The following SLC24A2 variants were observed in gnomAD, a reference collection of about 807,000 sequenced individuals.
SLC24A2 encodes the protein solute carrier family 24 member 2.
A neutral mutation model predicts 62.0 loss-of-function variants in SLC24A2; 36 were observed. The ratio of observed to expected loss-of-function variants is 0.58; its 90% CI spans 0.44 to 0.77. SLC24A2 has a LOEUF of 0.77. SLC24A2 is among the 30% of genes least tolerant of loss of function. The probability of loss-of-function intolerance (pLI) is 0.00; values close to 1 mark genes in which losing one functional copy is unlikely to be tolerated. For missense variants in SLC24A2, 846 were observed against 817.9 expected, an observed-to-expected ratio of 1.03 and a Z score of -0.42; for synonymous variants, 358 against 294.0, an observed-to-expected ratio of 1.22 and a Z score of -2.23.
rs60849714 is a variant in SLC24A2 at position 19,513,176 on chromosome 9, G to GTATA, written c.*2973_*2976dup. 1.5e-5 allele frequency: 1 copy of GTATA among 66,972 alleles called. No homozygotes were observed. Among genetic ancestry groups the GTATA allele is most frequent in the African/African-American group, 5.6e-5 (1 of 17,844 alleles). 4.1% of individuals were successfully genotyped at this position (66,972 alleles called of 1,614,324 possible). A position where few individuals can be genotyped will look rare whatever the true frequency, so the allele number is the denominator to read the frequency against. On this transcript the variant is annotated 3_prime_UTR_variant, in exon 11 of 11. Transcript: ENST00000341998. ...AAGATATATATATATATATATATAT[G>GTATA]TATATATATATATATGTATATATTT...
intron 2 of SLC24A2, among the ~76,000 whole-genome samples, chr9:19,733,474 G>T (rs1325855601): frequency 6.6e-6 from 1 of 152,108 alleles, no homozygotes; most frequent in Non-Finnish European, 1.5e-5. Flanking sequence ...GACAATCTGT[G>T]AAGGAAGCCT....
At chr9:19,726,465 T>C (rs1212556235) in intron 2 of SLC24A2, among the ~76,000 whole-genome samples, 4 of 152,176 alleles carry the variant, frequency 2.6e-5, no homozygotes, top group Admixed American at 2.0e-4. Context: ...AAAATTGCAG[T>C]GTGGTTCCAA....
At chr9:19,561,525 C>T (rs1835402559) in intron 7 of SLC24A2, among the ~76,000 whole-genome samples, 1 of 147,164 alleles carries the variant, frequency 6.8e-6, no homozygotes, top group South Asian at 2.2e-4. Flanking sequence ...ACCTCCGCCT[C>T]CTGGGTTCAA....
At chr9:19,659,013 A>G (rs1819018100) in intron 2 of SLC24A2, among the ~76,000 whole-genome samples, 1 of 152,194 alleles carries the variant, frequency 6.6e-6, no homozygotes, top group Admixed American at 6.5e-5. Flanking sequence ...CAAAAAAGCT[A>G]TGCTGAAATC....
chr9:20,188,143 T>C, the SLC24A2 span, among the ~76,000 whole-genome samples: 1 of 152,210 alleles, frequency 6.6e-6, no homozygotes, highest in Admixed American at 6.5e-5. Context: ...AGGGAGGCCT[T>C]GTAGAATTTC....
At chr9:20,114,520 C>A in the SLC24A2 span, among the ~76,000 whole-genome samples, 1 of 151,950 alleles carries the variant, frequency 6.6e-6, no homozygotes, top group South Asian at 2.1e-4. Flanking sequence ...AAGAAAATAC[C>A]CAAGAATAAT....
chr9:19,979,672 G>A, the SLC24A2 span, among the ~76,000 whole-genome samples: 3 of 152,122 alleles, frequency 2.0e-5, no homozygotes, highest in Non-Finnish European at 4.4e-5. Flanking sequence ...ACTTTAGGAT[G>A]GGCAGCTGCT....
chr9:20,190,108 G>C, the SLC24A2 span, among the ~76,000 whole-genome samples: 1 of 152,176 alleles, frequency 6.6e-6, no homozygotes, highest in Non-Finnish European at 1.5e-5. Flanking sequence ...TCATAGCTGT[G>C]TGAACCCGCA....
the SLC24A2 span, among the ~76,000 whole-genome samples, chr9:20,211,608 A>G: frequency 6.6e-6 from 1 of 152,218 alleles, no homozygotes; most frequent in Admixed American, 6.5e-5. Context: ...ATCTATAGTA[A>G]TTGTACTAAA....
intron 2 of SLC24A2, among the ~76,000 whole-genome samples, chr9:19,696,827 T>C (rs982899585): frequency 1.4e-4 from 22 of 152,172 alleles, no homozygotes; most frequent in African/African-American, 7.2e-5. Flanking sequence ...TTTAAAACAT[T>C]TGTAATTTAA....
chr9:20,213,253 A>C, the SLC24A2 span, among the ~76,000 whole-genome samples: 4 of 151,932 alleles, frequency 2.6e-5, no homozygotes, highest in Admixed American at 1.3e-4. Context: ...CTTTTCATTT[A>C]AAGAAAAAGT....
At chr9:20,156,285 T>C in the SLC24A2 span, among the ~76,000 whole-genome samples, 8 of 151,824 alleles carry the variant, frequency 5.3e-5, no homozygotes, top group Non-Finnish European at 7.4e-5. Context: ...AAAACAAATT[T>C]ATCTCACAAA....
At chr9:19,584,166 C>G (rs758032427) in intron 5 of SLC24A2, among the ~76,000 whole-genome samples, 1 of 151,800 alleles carries the variant, frequency 6.6e-6, no homozygotes, top group Non-Finnish European at 1.5e-5. Flanking sequence ...TCACCCATCA[C>G]AGGCCTACAC....
At chr9:20,116,329 T>A in the SLC24A2 span, among the ~76,000 whole-genome samples, 1 of 152,170 alleles carries the variant, frequency 6.6e-6, no homozygotes, top group Admixed American at 6.5e-5. Flanking sequence ...TCTGAATGCC[T>A]GCAGATCTTA....
the SLC24A2 span, among the ~76,000 whole-genome samples, chr9:20,159,435 C>T: frequency 4.0e-5 from 6 of 151,536 alleles, no homozygotes; most frequent in African/African-American, 1.5e-4. Flanking sequence ...CCAATTTTCA[C>T]CCCATGGATG....
intron 2 of SLC24A2, among the ~76,000 whole-genome samples, chr9:19,700,299 G>A (rs958946882): frequency 6.6e-6 from 1 of 152,038 alleles, no homozygotes; most frequent in Non-Finnish European, 1.5e-5. Context: ...ACCTTTTGCA[G>A]GACTCAGTAA....
chr9:20,288,741 CAAAAAAAAA>C, the SLC24A2 span, among the ~76,000 whole-genome samples: 17 of 79,296 alleles, frequency 2.1e-4, no homozygotes, highest in African/African-American at 3.2e-4. Context: ...GACTCTGTCT[CAAAAAAAAA>C]AAAAAAAAAA....
intron 2 of SLC24A2, among the ~76,000 whole-genome samples, chr9:19,725,990 G>A (rs1396444436): frequency 6.6e-6 from 1 of 152,158 alleles, no homozygotes; most frequent in Non-Finnish European, 1.5e-5. Context: ...TATGCTTTCA[G>A]TATACAGGCT....
chr9:20,266,094 T>C, the SLC24A2 span, among the ~76,000 whole-genome samples: 4 of 152,222 alleles, frequency 2.6e-5, no homozygotes, highest in African/African-American at 2.4e-5. Context: ...AATTTCGCCC[T>C]GGTCCTGTGG....
Sources: allele counts gnomAD v4.1 joint callset (sites outside exome capture counted in the v4.1 genomes callset), GRCh38; gene constraint gnomAD v4.1.1; transcripts MANE v1.5; gene names NCBI Gene and HGNC (gene_info 2026-07-23, HGNC 2026-07-21).